Variants in EFCAB8 observed in about 807,000 individuals in gnomAD.
EFCAB8 encodes the protein EF-hand calcium binding domain 8.
A neutral mutation model predicts 116.3 loss-of-function variants in EFCAB8; 100 were observed. That is an observed-to-expected ratio of 0.86 (90% confidence interval 0.73 to 1.02). The LOEUF (loss-of-function observed/expected upper bound fraction) is 1.02. Ranked by LOEUF, EFCAB8 falls within the 50% of genes least tolerant of loss-of-function variation. The pLI is 0.00. For synonymous variants in EFCAB8, 558 were observed against 567.9 expected (o/e 0.98, Z 0.25); for missense variants, 1,320 against 1,416.9 (o/e 0.93, Z 1.10).
chr20:32,956,975 T>C (rs1988985023), intron 23 of EFCAB8, among the ~76,000 whole-genome samples: 2 of 151,098 alleles, frequency 1.3e-5, no homozygotes, highest in Non-Finnish European at 2.9e-5. Context: ...TTTCAATCTC[T>C]GAATTCCAGA....
chr20:32,889,130 G>A (rs1005527542), intron 6 of EFCAB8, among the ~76,000 whole-genome samples, 171 bp from the exon 7 acceptor site: 1 of 152,100 alleles, frequency 6.6e-6, no homozygotes, highest in African/African-American at 2.4e-5. Flanking sequence ...TGAGACCCAG[G>A]GAGGCTAGGG....
chr20:32,861,043 G>A (rs6120005), intron 1 of EFCAB8, among the ~76,000 whole-genome samples: 23,477 of 152,020 alleles, frequency 0.15, 2,109 homozygotes, highest in East Asian at 0.35. Context: ...GGCCTGCATC[G>A]TGCTTTTCTT....
At chr20:32,930,207 T>TA (rs1050051486) in intron 20 of EFCAB8, among the ~76,000 whole-genome samples, 191 bp from the exon 21 acceptor site, 6 of 152,220 alleles carry the variant, frequency 3.9e-5, no homozygotes, top group African/African-American at 1.4e-4. Context: ...CCCTGCCCTC[T>TA]AGTAGTTCAT....
At chr20:32,953,469 C>T (rs1245329110) in intron 23 of EFCAB8, among the ~76,000 whole-genome samples, 6 of 152,204 alleles carry the variant, frequency 3.9e-5, no homozygotes, top group Non-Finnish European at 7.3e-5. Context: ...TCCAATTTCT[C>T]TGCAACCTTG....
At chr20:32,897,704 C>T (rs1461758305) in intron 10 of EFCAB8, among the ~76,000 whole-genome samples, 2 of 152,258 alleles carry the variant, frequency 1.3e-5, no homozygotes, top group South Asian at 2.1e-4. Flanking sequence ...TGAGCCACTG[C>T]ACCCGCTCTT....
intron 3 of EFCAB8, among the ~76,000 whole-genome samples, chr20:32,868,241 T>C (rs1984522560): frequency 1.3e-5 from 2 of 152,080 alleles, no homozygotes; most frequent in African/African-American, 4.8e-5. Flanking sequence ...AAAATAATAA[T>C]TGTAGAGACG....
intron 23 of EFCAB8, among the ~76,000 whole-genome samples, chr20:32,950,938 T>C (rs953134730): frequency 2.0e-5 from 3 of 152,192 alleles, no homozygotes; most frequent in Non-Finnish European, 2.9e-5. Context: ...GAGATGACGG[T>C]GCTCCTGCTC....
chr20:32,897,880 A>G (rs987702837), intron 10 of EFCAB8, among the ~76,000 whole-genome samples: 6 of 152,138 alleles, frequency 3.9e-5, no homozygotes, highest in Non-Finnish European at 5.9e-5. Flanking sequence ...TGATGAGCCA[A>G]TCTCTCCAAC....
chr20:32,942,560 T>G (rs1414250379), intron 22 of EFCAB8, among the ~76,000 whole-genome samples: 1 of 151,978 alleles, frequency 6.6e-6, no homozygotes, highest in Non-Finnish European at 1.5e-5. Context: ...AAAGATTAAC[T>G]GATTGTCTAT....
intron 18 of EFCAB8, 145 bp downstream of exon 18, chr20:32,917,650 T>A: frequency 1.1e-6 from 1 of 876,862 alleles, no homozygotes; most frequent in Admixed American, 2.7e-5. Flanking sequence ...CTTGGTTAGG[T>A]AGGTGGTAGT....
chr20:32,948,733 G>A (rs1988702783), intron 23 of EFCAB8, among the ~76,000 whole-genome samples: 1 of 152,108 alleles, frequency 6.6e-6, no homozygotes, highest in South Asian at 2.1e-4. Flanking sequence ...GAAAATCAGT[G>A]TAATTTATTA....
chr20:32,960,203 G>A, intron 26 of EFCAB8, 42 bp downstream of exon 26: 1 of 1,531,728 alleles, frequency 6.5e-7, no homozygotes, highest in Non-Finnish European at 8.9e-7. Flanking sequence ...CTGGGTCAGG[G>A]GCCAGGGGAT....
At chr20:32,899,007 A>G (rs890095525) in intron 11 of EFCAB8, among the ~76,000 whole-genome samples, 14 of 152,172 alleles carry the variant, frequency 9.2e-5, no homozygotes, top group African/African-American at 2.2e-4. Context: ...AACTGGCAGC[A>G]TTGGTTCTTT....
chr20:32,864,568 G>A (rs943427429), intron 2 of EFCAB8, among the ~76,000 whole-genome samples: 7 of 152,090 alleles, frequency 4.6e-5, no homozygotes, highest in African/African-American at 7.2e-5. Context: ...GCAACAGAGC[G>A]AGACCCTGTC....
chr20:32,930,629 T>C lies in EFCAB8; in HGVS notation c.2631+13T>C, dbSNP rs1380308808. ...AGGATACATCAAGGTGAGGAAGAAC[T>C]GGCAGGAAGATTGAGGGGCTGGTGC... On this transcript the variant is annotated intron_variant, in intron 21 of 26. Coordinates refer to ENST00000400522, the MANE Select transcript of EFCAB8 (RefSeq NM_001143967.2). 3 of 1,551,422 alleles carry C rather than the reference T, an allele frequency of 1.9e-6. No homozygotes were observed. The Admixed American group carries it at 5.9e-5, about 30-fold the overall frequency.
intron 2 of EFCAB8, among the ~76,000 whole-genome samples, chr20:32,864,449 G>A (rs931192372): frequency 6.6e-6 from 1 of 152,116 alleles, no homozygotes; most frequent in Non-Finnish European, 1.5e-5. Flanking sequence ...AGGCATGGTG[G>A]CACATGCCTG....
intron 22 of EFCAB8, among the ~76,000 whole-genome samples, chr20:32,937,821 A>T (rs958391033): frequency 1.3e-5 from 2 of 148,870 alleles, no homozygotes; most frequent in Admixed American, 6.6e-5. Context: ...GTTTCACCAC[A>T]TTGGCTAGGC....
At chr20:32,865,322 C>G (rs113568081) in intron 2 of EFCAB8, among the ~76,000 whole-genome samples, 6 of 151,580 alleles carry the variant, frequency 4.0e-5, no homozygotes, top group Admixed American at 2.6e-4. Context: ...GGGAGACACA[C>G]GTGAGTAAGC....
In EFCAB8 at chr20:32,958,438, G is replaced by T; in HGVS notation, c.2977G>T (p.Val993Leu). ...AATCACAGGAACGTTTGGCCTGAGT[G>T]TGTGGAAAAGACTACAGGATGCCTG... ...GDAIGTFGLS[V>L]WKRLQDACDG... is the part of the protein sequence containing the mutation. Residue 993 changes from valine (V) to leucine (L), a missense_variant, in exon 24 of 27, where the codon GTG becomes TTG. By Grantham distance (32) the Val-to-Leu change is conservative (BLOSUM62 1). Coordinates refer to ENST00000400522, the MANE Select transcript of EFCAB8 (RefSeq NM_001143967.2). The T allele has an allele frequency of 2.4e-6, 1 of 416,952 alleles. No individual in the cohort carries two copies. Among genetic ancestry groups the T allele is most frequent in the East Asian group, 3.6e-5 (1 of 28,078 alleles). 25.8% of individuals were successfully genotyped at this position (416,952 alleles called of 1,614,324 possible).
Sources: allele counts gnomAD v4.1 joint callset (sites outside exome capture counted in the v4.1 genomes callset), GRCh38; gene constraint gnomAD v4.1.1; transcripts MANE v1.5; gene names NCBI Gene and HGNC (gene_info 2026-07-23, HGNC 2026-07-21).